The following LCMT2 variants were observed in gnomAD, a reference collection of about 807,000 sequenced individuals.
LCMT2 encodes leucine carboxyl methyltransferase 2.
In LCMT2, 34 loss-of-function variants were observed where a neutral mutation model predicts 42.0. That is an observed-to-expected ratio of 0.81 (90% confidence interval 0.62 to 1.08). The LOEUF (loss-of-function observed/expected upper bound fraction) is 1.08, where lower values mean the gene tolerates loss of function less well. Ranked by LOEUF, LCMT2 falls within the 50% of genes least tolerant of loss-of-function variation. The pLI is 0.00. For synonymous variants in LCMT2, 445 were observed against 369.5 expected (o/e 1.20, Z -2.34); for missense variants, 1,091 against 889.4 (o/e 1.23, Z -2.88).
chr15:43,328,893 C>T lies in LCMT2; in HGVS notation c.1597G>A (p.Ala533Thr). The T allele has an allele frequency of 6.2e-7, 1 of 1,613,988 alleles. No individual in the cohort carries two copies. The highest frequency in any genetic ancestry group is 1.1e-5 in the South Asian group (1 of 91,076). ...GTGCAGGCACTGTGAGAATGCCGGG[C>T]TTCAGGTACTTCTCCCTCCACTGGG... is the stretch of plus-strand genomic sequence containing the variant. ...RIPVEGEVPE[A>T]RHSHSACTWQ... is the part of the protein sequence containing the mutation. The change falls in exon 1 of 1, where the codon GCC becomes ACC. Residue 533 changes from alanine to threonine, a missense_variant. Physicochemically the swap from Ala to Thr is moderately conservative, Grantham distance 58. Transcript: ENST00000305641.
In LCMT2 at chr15:43,327,971, C is replaced by T. The variant is rs2043127107; in HGVS notation, c.*458G>A. ...TGTGACTGTGTTCATTTCAGGTTTC[C>T]TACATGAAGAATTGTCAATACTACG... On this transcript the variant is annotated 3_prime_UTR_variant, in exon 1 of 1. Coordinates refer to ENST00000305641, the MANE Select transcript of LCMT2 (RefSeq NM_014793.5). 1 of 159,526 alleles carries T rather than the reference C, an allele frequency of 6.3e-6. No individual in the cohort carries two copies. The highest frequency in any genetic ancestry group is 2.4e-5 in the African/African-American group (1 of 41,472). 9.9% of individuals were successfully genotyped at this position (159,526 alleles called of 1,614,324 possible). A position where few individuals can be genotyped will look rare whatever the true frequency, so the allele number is the denominator to read the frequency against.
chr15:43,328,200 CACT>C lies in LCMT2; in HGVS notation c.*226_*228del. The C allele has an allele frequency of 2.0e-6, 1 of 510,370 alleles. No homozygotes were observed. Among genetic ancestry groups the C allele is most frequent in the South Asian group, 3.0e-5 (1 of 33,816 alleles). 31.6% of individuals were successfully genotyped at this position (510,370 alleles called of 1,614,324 possible). A position where few individuals can be genotyped will look rare whatever the true frequency, so the allele number is the denominator to read the frequency against. On this transcript the variant is annotated 3_prime_UTR_variant, in exon 1 of 1. Transcript: ENST00000305641. ...TTAGATTAGAAAATTAGAGGCAGAC[CACT>C]ACTCCTCTCGGACTGCATGGCCACT...
chr15:43,329,273 C>T lies in LCMT2; in HGVS notation c.1217G>A (p.Gly406Asp). The change falls in exon 1 of 1, where the codon GGC becomes GAC. Residue 406 changes from glycine (G) to aspartate (D), a missense_variant. Transcript: ENST00000305641. ...CCACTGAACTCCAGTCCCACAACTG[C>T]CTATTTGGCTGCCTTTCCATTCAGA... is the stretch of plus-strand genomic sequence containing the variant. ...CDSEWKGSQI[G>D]SCGTGVQWDG... The T allele has an allele frequency of 6.2e-7, 1 of 1,614,040 alleles. No individual in the cohort carries two copies. Among genetic ancestry groups the T allele is most frequent in the Non-Finnish European group, 8.5e-7 (1 of 1,180,030 alleles).
rs1180751250 is a variant in LCMT2, at chr15:43,328,777, T to C, written c.1713A>G (p.Gly571=). The C allele has an allele frequency of 2.3e-5, 37 of 1,613,370 alleles. No homozygotes were observed. Among genetic ancestry groups the C allele is most frequent in the Non-Finnish European group, 2.9e-5 (34 of 1,180,026 alleles). Reference sequence around the variant, plus strand: ...GGATGTCTACTGACTCCCAGAGGAATCCACAAGAGATTGGTCTCAGAAAGA... The same window carrying C: ...GGATGTCTACTGACTCCCAGAGGAACCCACAAGAGATTGGTCTCAGAAAGA... ...SVLFLRPISC[G]FLWESVDIQP... Residue 571 remains glycine (G), a synonymous_variant, in exon 1 of 1, where the codon GGA becomes GGG. Transcript: ENST00000305641.
Position 43,330,552 on chromosome 15 carries a change from C to A in LCMT2, c.-63G>T. ...TGTGAGCCGCCCCTTGGTTAGCACACACCTCACGGACCTCGGTAGGGGGAA... is the reference window on the plus strand; with the variant it reads ...TGTGAGCCGCCCCTTGGTTAGCACAAACCTCACGGACCTCGGTAGGGGGAA... On this transcript the variant is annotated 5_prime_UTR_variant, in exon 1 of 1. Transcript: ENST00000305641. 1.3e-6 allele frequency: 2 copies of A among 1,491,416 alleles called. No individual in the cohort carries two copies. The highest frequency in any genetic ancestry group is 1.8e-6 in the Non-Finnish European group (2 of 1,124,344). The allele number at this position is 1,491,416 out of a possible 1,614,324, so 92.4% of individuals were successfully genotyped here. A position where few individuals can be genotyped will look rare whatever the true frequency, so the allele number is the denominator to read the frequency against.
In LCMT2 at chr15:43,325,993, A is replaced by G. The variant is rs1348609798; in HGVS notation, c.*2436T>C. The G allele has an allele frequency of 6.9e-6, 1 of 145,360 alleles. No individual in the cohort carries two copies. The allele number at this position is 145,360 out of a possible 1,614,324, so 9.0% of individuals were successfully genotyped here. On this transcript the variant is annotated 3_prime_UTR_variant, in exon 1 of 1. Transcript: ENST00000305641. ...GTAGCTGGGACTACAGGCATGCGCCACCATCCCTGGCTAATCTTTGTATAT... is the reference window on the plus strand; with the variant it reads ...GTAGCTGGGACTACAGGCATGCGCCGCCATCCCTGGCTAATCTTTGTATAT...
rs749707199 is a variant in LCMT2, at chr15:43,329,417, T to A, written c.1073A>T (p.Tyr358Phe). Residue 358 changes from tyrosine to phenylalanine, a missense_variant, in exon 1 of 1, where the codon TAT (tyrosine) becomes TTT (phenylalanine). Transcript: ENST00000305641. ...SEGQVPNLKR[Y>F]GHASVFLSPD... Reference sequence around the variant, plus strand: ...GCTCAAGAAGACAGAGGCGTGGCCATATCTCTTCAGGTTTGGGACCTGGCC... The same window carrying A: ...GCTCAAGAAGACAGAGGCGTGGCCAAATCTCTTCAGGTTTGGGACCTGGCC... 6.2e-7 allele frequency: 1 copy of A among 1,614,096 alleles called. No homozygotes were observed. The highest frequency in any genetic ancestry group is 1.7e-5 in the Admixed American group (1 of 60,028).
chr15:43,330,089 G>A lies in LCMT2; in HGVS notation c.401C>T (p.Ala134Val). The change falls in exon 1 of 1, where the codon GCG (alanine) becomes GTG (valine). Residue 134 changes from alanine to valine, a missense_variant. Ala to Val is a moderately conservative substitution (Grantham distance 64). Coordinates refer to ENST00000305641, the MANE Select transcript of LCMT2 (RefSeq NM_014793.5). ...ERIGETPELC[A>V]LTGPFERGEP... The stretch of plus-strand genomic sequence containing the variant: ...CCCCCTCTCGAAAGGCCCGGTTAAC[G>A]CGCACAGCTCTGGCGTCTCTCCAAT... The A allele has an allele frequency of 6.2e-7, 1 of 1,612,036 alleles. No homozygotes were observed. Among genetic ancestry groups the A allele is most frequent in the South Asian group, 1.1e-5 (1 of 91,074 alleles).
chr15:43,328,717 A>G lies in LCMT2; in HGVS notation c.1773T>C (p.Ala591=), dbSNP rs369785870. 1.2e-6 allele frequency: 2 copies of G among 1,614,140 alleles called. No individual in the cohort carries two copies. Among genetic ancestry groups the G allele is most frequent in the South Asian group, 1.1e-5 (1 of 91,082 alleles). ...GTAACAGCTTTCCATTGAGCACATG[A>G]GCTGTGTGGGAGTACCTTGGGGTAA... The part of the protein sequence containing the change: ...PPITPRYSHT[A]HVLNGKLLLV... The change falls in exon 1 of 1, where the codon GCT becomes GCC. Residue 591 remains alanine, a synonymous_variant. Transcript: ENST00000305641.
At position 43,329,973 on chromosome 15, in the gene LCMT2, C is replaced by G; in HGVS notation, c.517G>C (p.Gly173Arg). 2 of 1,612,464 alleles carry G rather than the reference C, an allele frequency of 1.2e-6. No individual in the cohort carries two copies. The highest frequency in any genetic ancestry group is 4.5e-5 in the East Asian group (2 of 44,848). The change falls in exon 1 of 1, where the codon GGC (glycine) becomes CGC (arginine). Residue 173 changes from glycine to arginine, a missense_variant. Gly to Arg is a moderately radical substitution (Grantham distance 125). Transcript: ENST00000305641. ...RQLQRVEEAL[G>R]AAGLDAASPT... is the part of the protein sequence containing the mutation. ...GAGGCTGCGTCGAGCCCCGCGGCGC[C>G]CAGGGCCTCCTCCACTCGCTGGAGC... is the stretch of plus-strand genomic sequence containing the variant.
rs757427526 is a variant in LCMT2 at position 43,330,394 on chromosome 15, G to A, written c.96C>T (p.Tyr32=). The A allele has an allele frequency of 6.3e-7, 1 of 1,578,150 alleles. No individual in the cohort carries two copies. Among genetic ancestry groups the A allele is most frequent in the Non-Finnish European group, 8.6e-7 (1 of 1,168,686 alleles). ...GCAACGCGGCAAAGGGGTCCTGCAC[G>A]TACCCGCGCGCGGCCAGGGAACGCT... is the stretch of plus-strand genomic sequence containing the variant. ...LSKRSLAARG[Y]VQDPFAALLV... The change falls in exon 1 of 1, where the codon TAC becomes TAT. Residue 32 remains tyrosine (Y), a synonymous_variant. Transcript: ENST00000305641.
At position 43,328,341 on chromosome 15, in the gene LCMT2, G is replaced by C. The variant is rs2043129230; in HGVS notation, c.*88C>G. 3.0e-6 allele frequency: 4 copies of C among 1,342,790 alleles called. No individual in the cohort carries two copies. In the East Asian group the frequency reaches 6.9e-5, roughly 23 times the overall value. 83.2% of individuals were successfully genotyped at this position (1,342,790 alleles called of 1,614,324 possible). A position where few individuals can be genotyped will look rare whatever the true frequency, so the allele number is the denominator to read the frequency against. On this transcript the variant is annotated 3_prime_UTR_variant, in exon 1 of 1. Transcript: ENST00000305641. ...GGGAAAAAAAGGATGGGGAAAGGAG[G>C]AGTGGCAGTATCTATAGCTAGAGGG...
In LCMT2 at chr15:43,329,844, C is replaced by T; in HGVS notation, c.646G>A (p.Val216Met). The part of the protein sequence containing the change: ...AAQRFPNALF[V>M]VYEQMRPQDA... The stretch of plus-strand genomic sequence containing the variant: ...TGAGGCCTCATCTGCTCATAGACCA[C>T]GAAAAGGGCATTAGGAAAACGCTGG... Residue 216 changes from valine (V) to methionine (M), a missense_variant, in exon 1 of 1, where the codon GTG becomes ATG. Coordinates refer to ENST00000305641, the MANE Select transcript of LCMT2 (RefSeq NM_014793.5). 2.5e-6 allele frequency: 4 copies of T among 1,613,856 alleles called. No homozygotes were observed. Among genetic ancestry groups the T allele is most frequent in the African/African-American group, 1.3e-5 (1 of 75,044 alleles).
Position 43,327,929 on chromosome 15 carries a change from CAAT to C in LCMT2, c.*497_*499del, listed in dbSNP as rs1159308548. On this transcript the variant is annotated 3_prime_UTR_variant, in exon 1 of 1. Coordinates refer to ENST00000305641, the MANE Select transcript of LCMT2 (RefSeq NM_014793.5). ...GAGTTTTCTGTTGCAACAAACAGGA[CAAT>C]GTTTTAATCAAACTGTGACTGTGTT... 6.4e-6 allele frequency: 1 copy of C among 155,546 alleles called. No individual in the cohort carries two copies. Among genetic ancestry groups the C allele is most frequent in the Non-Finnish European group, 1.4e-5 (1 of 70,066 alleles). The allele number at this position is 155,546 out of a possible 1,614,324, so 9.6% of individuals were successfully genotyped here.
At position 43,328,528 on chromosome 15, in the gene LCMT2, G is replaced by A; in HGVS notation, c.1962C>T (p.Leu654=). 6.2e-7 allele frequency: 1 copy of A among 1,614,218 alleles called. No individual in the cohort carries two copies. The change falls in exon 1 of 1, where the codon CTC becomes CTT. Residue 654 remains leucine (L), a synonymous_variant. Coordinates refer to ENST00000305641, the MANE Select transcript of LCMT2 (RefSeq NM_014793.5). ...TSILLPEEQQ[L]LLLGGGGNCF... Reference sequence around the variant, plus strand: ...AGTTCCCACCACCTCCAAGGAGCAGGAGCTGTTGCTCTTCAGGAAGAAGGA... The same window carrying A: ...AGTTCCCACCACCTCCAAGGAGCAGAAGCTGTTGCTCTTCAGGAAGAAGGA...
In LCMT2 at chr15:43,326,569, AC is replaced by A. The variant is rs765852207; in HGVS notation, c.*1859del. The A allele has an allele frequency of 7.2e-5, 11 of 152,098 alleles. No homozygotes were observed. The highest frequency in any genetic ancestry group is 1.6e-4 in the Non-Finnish European group (11 of 68,074). The allele number at this position is 152,098 out of a possible 1,614,324, so 9.4% of individuals were successfully genotyped here. On this transcript the variant is annotated 3_prime_UTR_variant, in exon 1 of 1. Transcript: ENST00000305641. ...CTCCAGAGTATCCAAGACTACAAGC[AC>A]ACACCACCGTGCCTACTTATTTTTT...
At position 43,329,687 on chromosome 15, in the gene LCMT2, G is replaced by C; in HGVS notation, c.803C>G (p.Ala268Gly). The change falls in exon 1 of 1, where the codon GCC becomes GGC. Residue 268 changes from alanine (A) to glycine (G), a missense_variant. By Grantham distance (60) the Ala-to-Gly change is moderately conservative (BLOSUM62 0). Coordinates refer to ENST00000305641, the MANE Select transcript of LCMT2 (RefSeq NM_014793.5). Reference sequence around the variant, plus strand: ...GTGATAGAATTCATTCATGTCCACGGCACCGCAGGCGGTCCAGCCAGCTTG... The same window carrying C: ...GTGATAGAATTCATTCATGTCCACGCCACCGCAGGCGGTCCAGCCAGCTTG... ...FLQAGWTACG[A>G]VDMNEFYHCF... 6.2e-7 allele frequency: 1 copy of C among 1,613,524 alleles called. No individual in the cohort carries two copies. The highest frequency in any genetic ancestry group is 8.5e-7 in the Non-Finnish European group (1 of 1,179,936).
In LCMT2 at chr15:43,329,885, AG is replaced by A. The variant is rs1566856318; in HGVS notation, c.604del (p.Leu202SerfsTer20). The A allele has an allele frequency of 3.1e-6, 5 of 1,613,338 alleles. No individual in the cohort carries two copies. The South Asian group carries it at 5.5e-5, about 18-fold the overall frequency. The stretch of plus-strand genomic sequence containing the variant: ...AAAACGCTGGGCTGCCCAGGCGATG[AG>A]GGCCGCGGCACTCTCCGGCTCGAGG... ...TYLEPESAAA[L>X]IAWAAQRFPN... is the part of the protein sequence containing the mutation. On this transcript the variant is annotated frameshift_variant, in exon 1 of 1. Coordinates refer to ENST00000305641, the MANE Select transcript of LCMT2 (RefSeq NM_014793.5). LOFTEE classifies it high-confidence loss of function.
At position 43,329,035 on chromosome 15, in the gene LCMT2, T is replaced by C. The variant is rs1356228656; in HGVS notation, c.1455A>G (p.Thr485=). The change falls in exon 1 of 1, where the codon ACA becomes ACG. Residue 485 remains threonine (T), a synonymous_variant. Transcript: ENST00000305641. ...ATTCCTGATTCTGACAGGACACTTC[T>C]GTTGTTGAATGCCGCCAACAACACA... ...STLCCWRHST[T]EVSCQNQEYL... The C allele has an allele frequency of 6.2e-7, 1 of 1,614,208 alleles. No homozygotes were observed. Among genetic ancestry groups the C allele is most frequent in the East Asian group, 2.2e-5 (1 of 44,894 alleles).
Sources: gnomAD v4.1 joint callset for allele counts on GRCh38, gnomAD v4.1.1 for gene constraint, MANE v1.5 for transcripts, NCBI Gene and HGNC (gene_info 2026-07-23, HGNC 2026-07-21) for gene names.